Variants in DAB1 observed in about 807,000 individuals in gnomAD.
DAB1 encodes the protein DAB adaptor protein 1.
Under a neutral mutation model 64.6 loss-of-function variants are expected in DAB1, and 15 were observed. That is an observed-to-expected ratio of 0.23 (90% CI 0.16 to 0.36). The LOEUF (loss-of-function observed/expected upper bound fraction) is 0.36. DAB1 is among the 10% of genes least tolerant of loss of function. DAB1 has a pLI of 1.00. For missense variants in DAB1, 596 were observed against 706.7 expected (o/e 0.84, Z 1.78); for synonymous variants, 235 against 251.9 (o/e 0.93, Z 0.64).
At chr1:57,898,310 A>G (rs774817870) in intron 5 of DAB1, among the ~76,000 whole-genome samples, 4 of 152,126 alleles carry the variant, frequency 2.6e-5, no homozygotes, top group African/African-American at 9.7e-5. Flanking sequence ...ACTACTACCA[A>G]TGGCTGGGAT....
At chr1:58,000,052 TGGAG>T (rs993034209) in intron 5 of DAB1, among the ~76,000 whole-genome samples, 6 of 144,510 alleles carry the variant, frequency 4.2e-5, no homozygotes, top group African/African-American at 1.0e-4. Flanking sequence ...GAGTGAGAAA[TGGAG>T]GGAGGGAGGG....
intron 5 of DAB1, among the ~76,000 whole-genome samples, chr1:57,952,288 G>A (rs998811856): frequency 3.3e-5 from 5 of 152,086 alleles, no homozygotes; most frequent in African/African-American, 1.2e-4. Flanking sequence ...AGTCATCTTT[G>A]CTCATAAAGA....
intron 5 of DAB1, among the ~76,000 whole-genome samples, chr1:58,107,469 C>T: frequency 9.3e-6 from 1 of 107,240 alleles, no homozygotes; most frequent in East Asian, 2.6e-4. Flanking sequence ...ACTCCATCTC[C>T]AAAAAAAAAA....
intron 1 of DAB1, among the ~76,000 whole-genome samples, chr1:57,408,578 C>T (rs1683847969): frequency 6.6e-6 from 1 of 152,110 alleles, no homozygotes; most frequent in African/African-American, 2.4e-5. Context: ...TGCCCTACTC[C>T]CTGGGCACCC....
chr1:57,941,633 G>A (rs539968886), intron 5 of DAB1, among the ~76,000 whole-genome samples: 13 of 152,120 alleles, frequency 8.5e-5, no homozygotes, highest in Admixed American at 1.3e-4. Flanking sequence ...TCAGGAGATC[G>A]AGACCATCCT....
At chr1:57,180,275 T>C (rs1288301851) in intron 2 of DAB1, among the ~76,000 whole-genome samples, 1 of 152,224 alleles carries the variant, frequency 6.6e-6, no homozygotes, top group East Asian at 1.9e-4. Flanking sequence ...AACTTGCTTT[T>C]CTCCAATAGT....
At chr1:57,025,137 C>T (rs981972280) in intron 10 of DAB1, among the ~76,000 whole-genome samples, 3 of 152,186 alleles carry the variant, frequency 2.0e-5, no homozygotes, top group South Asian at 2.1e-4. Context: ...GGTGCAGCTG[C>T]GGCTGACTGC....
At chr1:57,974,290 A>G (rs2764695) in intron 5 of DAB1, among the ~76,000 whole-genome samples, 1 of 151,804 alleles carries the variant, frequency 6.6e-6, no homozygotes, top group African/African-American at 2.4e-5. Flanking sequence ...TTGTTTAACA[A>G]TGAGTGCCAT....
chr1:57,427,698 C>T (rs942494950), upstream of DAB1, among the ~76,000 whole-genome samples: 1 of 152,040 alleles, frequency 6.6e-6, no homozygotes, highest in Admixed American at 6.5e-5. Context: ...TTTTCTGTAG[C>T]TTTATTGAAG....
intron 7 of DAB1, among the ~76,000 whole-genome samples, chr1:57,468,867 T>A (rs1218740362): frequency 1.3e-5 from 2 of 152,208 alleles, no homozygotes; most frequent in Non-Finnish European, 2.9e-5. Context: ...ATTCATTCAT[T>A]TGACAAATAT....
intron 3 of DAB1, among the ~76,000 whole-genome samples, chr1:58,368,204 G>A (rs899441362): frequency 2.0e-5 from 3 of 152,310 alleles, no homozygotes; most frequent in Admixed American, 2.0e-4. Context: ...AAGCCAATGA[G>A]GTTGGTGCTA....
chr1:57,407,964 A>G (rs1262141760), intron 1 of DAB1, among the ~76,000 whole-genome samples: 1 of 152,226 alleles, frequency 6.6e-6, no homozygotes, highest in African/African-American at 2.4e-5. Context: ...CACAGCAAAC[A>G]TCTTGCACAG....
rs138170867 is a variant in DAB1, at chr1:57,220,826, G to A, written c.67+70138C>T. Reference sequence around the variant, plus strand: ...ACTGTAAACTGGTTCAACCATCGTGGAAGACAGTGTGGCGATTCCTCAAGG... The same window carrying A: ...ACTGTAAACTGGTTCAACCATCGTGAAAGACAGTGTGGCGATTCCTCAAGG... On this transcript the variant is annotated intron_variant, in intron 2 of 14. Transcript: ENST00000371236. Among the ~76,000 whole-genome samples the A allele has an allele frequency of 7.1e-3, 1,081 of 152,334 alleles. 16 individuals carry two copies. The highest frequency in any genetic ancestry group is 0.024 in the African/African-American group (990 of 41,564).
chr1:57,157,027 A>C (rs10889026), intron 2 of DAB1, among the ~76,000 whole-genome samples: 39,758 of 152,152 alleles, frequency 0.26, 6,275 homozygotes, highest in Middle Eastern at 0.43. Flanking sequence ...GAAGGCAATT[A>C]GCATTTTTTA....
At chr1:57,020,469 G>A in intron 11 of DAB1, among the ~76,000 whole-genome samples, 1 of 151,662 alleles carries the variant, frequency 6.6e-6, no homozygotes, top group East Asian at 1.9e-4. Context: ...ATTTATCTGA[G>A]TATGGTGCAG....
chr1:57,943,727 A>T, intron 5 of DAB1, among the ~76,000 whole-genome samples: 1 of 152,192 alleles, frequency 6.6e-6, no homozygotes, highest in East Asian at 1.9e-4. Context: ...TTTAGACATG[A>T]GAAAGCCAAG....
chr1:57,799,397 G>A (rs920843904), intron 6 of DAB1, among the ~76,000 whole-genome samples: 3 of 152,088 alleles, frequency 2.0e-5, no homozygotes, highest in Admixed American at 1.3e-4. Context: ...CTTTTGAAAA[G>A]AGTGGATGGA....
chr1:58,049,370 A>G (rs780120036), intron 5 of DAB1: 14 of 571,852 alleles, frequency 2.4e-5, no homozygotes, highest in Non-Finnish European at 3.8e-5. Context: ...TGACGAATGT[A>G]TCTTAACCTG....
chr1:58,133,591 T>C (rs752492654), intron 5 of DAB1, among the ~76,000 whole-genome samples: 8 of 152,216 alleles, frequency 5.3e-5, no homozygotes, highest in Non-Finnish European at 1.0e-4. Context: ...CTTTCACTGA[T>C]TCATTTATTT....
Sources: gnomAD v4.1 joint callset for allele counts (sites outside exome capture counted in the v4.1 genomes callset) on GRCh38, gnomAD v4.1.1 for gene constraint, MANE v1.5 for transcripts, NCBI Gene and HGNC (gene_info 2026-07-23, HGNC 2026-07-21) for gene names.